ATP6V0A4: variants seen among roughly 807,000 people sequenced by gnomAD.
ATP6V0A4 encodes the protein V-type proton ATPase 116 kDa subunit a 4.
ATP6V0A4 carries 86 observed loss-of-function variants against 107.3 expected under a neutral mutation model. That is an observed-to-expected ratio of 0.80 (90% CI 0.67 to 0.96). The LOEUF (loss-of-function observed/expected upper bound fraction) is 0.96, where lower values mean the gene tolerates loss of function less well. Among genes scored for constraint, ATP6V0A4 ranks in the 40% least tolerant of loss-of-function variants. The probability of loss-of-function intolerance (pLI) is 0.00; values close to 1 mark genes in which losing one functional copy is unlikely to be tolerated. For missense variants in ATP6V0A4, 908 were observed against 1,045.6 expected (o/e 0.87, Z 1.81); for synonymous variants, 353 against 381.4 (o/e 0.93, Z 0.87).
Position 138,749,337 on chromosome 7 carries a change from C to T in ATP6V0A4, c.1030-20G>A, listed in dbSNP as rs368874605. 77 of 1,585,752 alleles carry T rather than the reference C, an allele frequency of 4.9e-5. No homozygotes were observed. The highest frequency in any genetic ancestry group is 5.6e-5 in the Non-Finnish European group (65 of 1,164,884). Reference sequence around the variant, plus strand: ...TAGTTCCTGGAAAAAAAAAAAAAAGCGACAAAGATGTAAGGAGAAGAGTCT... The same window carrying T: ...TAGTTCCTGGAAAAAAAAAAAAAAGTGACAAAGATGTAAGGAGAAGAGTCT... On this transcript the variant is annotated intron_variant, in intron 11 of 21. Coordinates refer to ENST00000310018, the MANE Select transcript of ATP6V0A4 (RefSeq NM_020632.3).
chr7:138,706,457 A>T lies in ATP6V0A4; in HGVS notation c.*167T>A. 1 of 791,040 alleles carries T rather than the reference A, an allele frequency of 1.3e-6. No individual in the cohort carries two copies. Among genetic ancestry groups the T allele is most frequent in the Non-Finnish European group, 2.1e-6 (1 of 480,372 alleles). The allele number at this position is 791,040 out of a possible 1,614,324, so 49.0% of individuals were successfully genotyped here. A position where few individuals can be genotyped will look rare whatever the true frequency, so the allele number is the denominator to read the frequency against. Reference sequence around the variant, plus strand: ...CCAAAGTCCTTCCTCTGACGTGGTTAAGTCGTATCAAATCCACAGGCTGAC... The same window carrying T: ...CCAAAGTCCTTCCTCTGACGTGGTTTAGTCGTATCAAATCCACAGGCTGAC... On this transcript the variant is annotated 3_prime_UTR_variant, in exon 22 of 22. Coordinates refer to ENST00000310018, the MANE Select transcript of ATP6V0A4 (RefSeq NM_020632.3).
chr7:138,730,779 C>T (rs1804962688), intron 17 of ATP6V0A4, among the ~76,000 whole-genome samples: 1 of 152,106 alleles, frequency 6.6e-6, no homozygotes, highest in African/African-American at 2.4e-5. Flanking sequence ...CTTCAAAATA[C>T]GTTCAGTTCA....
Position 138,706,529 on chromosome 7 carries a change from C to T in ATP6V0A4, c.*95G>A. 1 of 1,446,854 alleles carries T rather than the reference C, an allele frequency of 6.9e-7. No homozygotes were observed. Among genetic ancestry groups the T allele is most frequent in the East Asian group, 2.3e-5 (1 of 42,738 alleles). The allele number at this position is 1,446,854 out of a possible 1,614,324, so 89.6% of individuals were successfully genotyped here. A position where few individuals can be genotyped will look rare whatever the true frequency, so the allele number is the denominator to read the frequency against. On this transcript the variant is annotated 3_prime_UTR_variant, in exon 22 of 22. Coordinates refer to ENST00000310018, the MANE Select transcript of ATP6V0A4 (RefSeq NM_020632.3). ...ATGCTTCAGGTGAGCCAAGAACAAC[C>T]TTCCCATTGAGCGCCTTGCAGGGGC...
rs1202969668 is a variant in ATP6V0A4 at position 138,792,766 on chromosome 7, G to GTTTTTTTTTTT, written c.-121+5257_-121+5267dup. 5.8e-5 allele frequency among the ~76,000 whole-genome samples: 4 copies of GTTTTTTTTTTT among 68,682 alleles called. 1 individual carries two copies. Among genetic ancestry groups the GTTTTTTTTTTT allele is most frequent in the Non-Finnish European group, 1.1e-4 (4 of 36,048 alleles). The allele number at this position is 68,682 out of a possible 152,430, so 45.1% of individuals were successfully genotyped here. On this transcript the variant is annotated intron_variant, in intron 1 of 21. Coordinates refer to ENST00000310018, the MANE Select transcript of ATP6V0A4 (RefSeq NM_020632.3). ...GGCTTGCATCACCAAACTCAGGTTT[G>GTTTTTTTTTTT]TTTTTTTTTTTGTTGTTTTGTTTTT...
Position 138,737,115 on chromosome 7 carries a change from A to AATATATATATATATATATAT in ATP6V0A4, c.1572+2424_1572+2425insATATATATATATATATATAT, listed in dbSNP as rs1554394380. Among the ~76,000 whole-genome samples, 662 of 86,742 alleles carry AATATATATATATATATATAT rather than the reference A, an allele frequency of 7.6e-3. 78 individuals carry two copies. The highest frequency in any genetic ancestry group is 0.03 in the African/African-American group (630 of 21,090). 56.9% of individuals were successfully genotyped at this position (86,742 alleles called of 152,430 possible). A position where few individuals can be genotyped will look rare whatever the true frequency, so the allele number is the denominator to read the frequency against. ...GTTATGTAAAAAGTAAGCCCTTATT[A>AATATATATATATATATATAT]ATATATATATATGATACAAACTAAC... On this transcript the variant is annotated intron_variant, in intron 15 of 21. Coordinates refer to ENST00000310018, the MANE Select transcript of ATP6V0A4 (RefSeq NM_020632.3).
chr7:138,709,695 A>G lies in ATP6V0A4; in HGVS notation c.2358T>C (p.Ala786=). 6.2e-7 allele frequency: 1 copy of G among 1,613,952 alleles called. No homozygotes were observed. Among genetic ancestry groups the G allele is most frequent in the Non-Finnish European group, 8.5e-7 (1 of 1,179,922 alleles). ...TCAGAAGGATGGCTACTGTCAGGAC[A>G]GCAAATACGGCAAAAATAATAAAAA... ...VGVFIIFAVF[A]VLTVAILLIM... The change falls in exon 21 of 22, where the codon GCT becomes GCC. Residue 786 remains alanine, a synonymous_variant. Coordinates refer to ENST00000310018, the MANE Select transcript of ATP6V0A4 (RefSeq NM_020632.3).
At chr7:138,729,476 C>T (rs1192163074) in intron 17 of ATP6V0A4, among the ~76,000 whole-genome samples, 2 of 152,186 alleles carry the variant, frequency 1.3e-5, no homozygotes, top group Admixed American at 6.5e-5. Flanking sequence ...TTTGAACTCA[C>T]TCTCGGTCTC....
intron 21 of ATP6V0A4, among the ~76,000 whole-genome samples, chr7:138,708,057 ATTT>A (rs1252998603): frequency 2.0e-5 from 3 of 147,908 alleles, no homozygotes; most frequent in Admixed American, 6.7e-5. Flanking sequence ...TTATTTATTT[ATTT>A]ATTTATTTTG....
Position 138,709,622 on chromosome 7 carries a change from A to C in ATP6V0A4, c.2429+2T>G. 1 of 1,612,172 alleles carries C rather than the reference A, an allele frequency of 6.2e-7. No individual in the cohort carries two copies. Among genetic ancestry groups the C allele is most frequent in the Non-Finnish European group, 8.5e-7 (1 of 1,178,880 alleles). On this transcript the variant is annotated splice_donor_variant, in intron 21 of 21. Coordinates refer to ENST00000310018, the MANE Select transcript of ATP6V0A4 (RefSeq NM_020632.3). LOFTEE classifies it high-confidence loss of function. ...GAGCTTCCAGGGGACAACCATCCTT[A>C]CCAGTGCAGTCGCAGGGCGTGCAGG...
chr7:138,735,685 G>T (rs1301988536), intron 15 of ATP6V0A4, among the ~76,000 whole-genome samples: 1 of 152,170 alleles, frequency 6.6e-6, no homozygotes, highest in East Asian at 1.9e-4. Flanking sequence ...CATCTAAGTG[G>T]CACCAAGCCT....
intron 5 of ATP6V0A4, 100 bp downstream of exon 5, chr7:138,768,680 G>A (rs1807213049): frequency 3.5e-6 from 5 of 1,426,312 alleles, no homozygotes; most frequent in Non-Finnish European, 4.8e-6. Context: ...CTGCCTTCAA[G>A]CAAACAGGTA....
Position 138,752,856 on chromosome 7 carries a change from A to G in ATP6V0A4, c.817-19T>C, listed in dbSNP as rs1345702193. ...TTATGACCTATACAAAAAACAACACACAGGAAAACAGAGAACCTTCACAGA... is the reference window on the plus strand; with the variant it reads ...TTATGACCTATACAAAAAACAACACGCAGGAAAACAGAGAACCTTCACAGA... On this transcript the variant is annotated intron_variant, in intron 10 of 21. Coordinates refer to ENST00000310018, the MANE Select transcript of ATP6V0A4 (RefSeq NM_020632.3). The G allele has an allele frequency of 1.2e-6, 2 of 1,612,664 alleles. No individual in the cohort carries two copies. The highest frequency in any genetic ancestry group is 2.7e-5 in the African/African-American group (2 of 74,922).
At chr7:138,717,909 GAAAAAAA>G (rs55813379) in intron 19 of ATP6V0A4, among the ~76,000 whole-genome samples, 9 of 70,936 alleles carry the variant, frequency 1.3e-4, no homozygotes, top group Admixed American at 9.9e-4. Context: ...CTCTGTCTCG[GAAAAAAA>G]AAAAAAAAAA....
intron 15 of ATP6V0A4, among the ~76,000 whole-genome samples, chr7:138,735,719 T>C (rs1805281963): frequency 6.6e-6 from 1 of 152,144 alleles, no homozygotes; most frequent in South Asian, 2.1e-4. Flanking sequence ...GCATTCCCCT[T>C]GCTCACCTGT....
At chr7:138,775,644 A>ATTTTTTTTTTTTTTT (rs36128448) in intron 2 of ATP6V0A4, among the ~76,000 whole-genome samples, 1 of 89,078 alleles carries the variant, frequency 1.1e-5, no homozygotes, top group African/African-American at 4.6e-5. Flanking sequence ...GATTGGGCTG[A>ATTTTTTTTTTTTTTT]TTTTTTTTTT....
chr7:138,793,404 C>G (rs1808515506), intron 1 of ATP6V0A4, among the ~76,000 whole-genome samples: 1 of 152,162 alleles, frequency 6.6e-6, no homozygotes, highest in South Asian at 2.1e-4. Context: ...ATTACAGCCT[C>G]AAATATTGAA....
At position 138,723,335 on chromosome 7, in the gene ATP6V0A4, T is replaced by A. The variant is rs565136163; in HGVS notation, c.2011-1310A>T. Among the ~76,000 whole-genome samples, 4 of 152,010 alleles carry A rather than the reference T, an allele frequency of 2.6e-5. No individual in the cohort carries two copies. The South Asian group carries it at 8.3e-4, about 32-fold the overall frequency. ...ACTATAAAAATAGCTTAGGAAAAAT[T>A]CAAGGAAAAAAAAATCTAGGCATAG... On this transcript the variant is annotated intron_variant, in intron 18 of 21. Coordinates refer to ENST00000310018, the MANE Select transcript of ATP6V0A4 (RefSeq NM_020632.3).
At chr7:138,791,199 G>T (rs12333723) in intron 1 of ATP6V0A4, among the ~76,000 whole-genome samples, 5 of 151,884 alleles carry the variant, frequency 3.3e-5, no homozygotes, top group African/African-American at 1.2e-4. Flanking sequence ...TAAGATAATC[G>T]AAATTAAGAA....
intron 4 of ATP6V0A4, 48 bp from the exon 5 acceptor site, chr7:138,768,922 C>T (rs1435435293): frequency 1.2e-6 from 2 of 1,610,390 alleles, no homozygotes; most frequent in African/African-American, 1.3e-5. Flanking sequence ...TGTGTTTTCT[C>T]ATAACTAAGA....
Sources: allele counts gnomAD v4.1 joint callset (sites outside exome capture counted in the v4.1 genomes callset), GRCh38; gene constraint gnomAD v4.1.1; transcripts MANE v1.5; gene names NCBI Gene and HGNC (gene_info 2026-07-23, HGNC 2026-07-21).